NDUFAF2: variants seen among roughly 807,000 people sequenced by gnomAD.
NDUFAF2 encodes the protein NADH dehydrogenase [ubiquinone] 1 alpha subcomplex assembly factor 2.
A neutral mutation model predicts 22.8 loss-of-function variants in NDUFAF2; 13 were observed. That is an observed-to-expected ratio of 0.57 (90% CI 0.37 to 0.91). The LOEUF is 0.91. NDUFAF2 is among the 40% of genes least tolerant of loss of function. The probability of loss-of-function intolerance (pLI) is 0.01; values close to 1 mark genes in which losing one functional copy is unlikely to be tolerated. For missense variants in NDUFAF2, 162 were observed against 195.2 expected (o/e 0.83, Z 1.01); for synonymous variants, 53 against 64.2 (o/e 0.83, Z 0.84).
At chr5:61,038,210 T>C (rs1162738273) in intron 1 of NDUFAF2, among the ~76,000 whole-genome samples, 1 of 152,016 alleles carries the variant, frequency 6.6e-6, no homozygotes, top group African/African-American at 2.4e-5. Flanking sequence ...ATCTATAATG[T>C]ACATAGATCA....
chr5:61,028,795 C>A (rs1364921557), intron 1 of NDUFAF2, among the ~76,000 whole-genome samples: 2 of 152,106 alleles, frequency 1.3e-5, no homozygotes, highest in Non-Finnish European at 2.9e-5. Context: ...AAGACCTTAG[C>A]AGTTCACATT....
intron 1 of NDUFAF2, among the ~76,000 whole-genome samples, chr5:61,017,092 A>G (rs1030544235): frequency 6.6e-5 from 10 of 152,160 alleles, no homozygotes; most frequent in Non-Finnish European, 1.5e-4. Context: ...TCCTTTCTCT[A>G]CTTTTCACTC....
At chr5:61,100,094 T>C (rs965073453) in intron 3 of NDUFAF2, among the ~76,000 whole-genome samples, 2 of 147,516 alleles carry the variant, frequency 1.4e-5, no homozygotes, top group Non-Finnish European at 3.0e-5. Flanking sequence ...CTTTCCAACA[T>C]TGATAAAATT....
chr5:60,962,571 G>A (rs1388335790), intron 1 of NDUFAF2, among the ~76,000 whole-genome samples: 2 of 151,952 alleles, frequency 1.3e-5, no homozygotes, highest in Non-Finnish European at 2.9e-5. Flanking sequence ...GGTGGCTCAC[G>A]CCTGTAATCC....
At chr5:61,084,378 AT>A (rs1752480324) in intron 2 of NDUFAF2, among the ~76,000 whole-genome samples, 1 of 145,634 alleles carries the variant, frequency 6.9e-6, no homozygotes, top group African/African-American at 2.4e-5. Flanking sequence ...CTGTAGGTAC[AT>A]TCACTGTTTG....
intron 1 of NDUFAF2, among the ~76,000 whole-genome samples, chr5:60,988,318 A>G (rs1179716796): frequency 1.3e-5 from 2 of 152,352 alleles, no homozygotes; most frequent in African/African-American, 4.8e-5. Flanking sequence ...GTTCACTGAT[A>G]GGAAGAACCC....
chr5:61,109,182 A>G (rs183715633), intron 3 of NDUFAF2, among the ~76,000 whole-genome samples: 2 of 152,238 alleles, frequency 1.3e-5, no homozygotes, highest in East Asian at 3.9e-4. Flanking sequence ...CTTCTTGGTT[A>G]AGTTAAATCC....
chr5:61,056,907 AAAAAAAAAAAAAATATATATATATAT>A (rs1218218711), intron 1 of NDUFAF2, among the ~76,000 whole-genome samples: 1 of 40,632 alleles, frequency 2.5e-5, no homozygotes, highest in African/African-American at 9.3e-5. Flanking sequence ...AAAAAAAAAA[AAAAAAAAAAAAAATATATATATATAT>A]ATATATATAT....
At chr5:61,011,669 C>T (rs1288934259) in intron 1 of NDUFAF2, among the ~76,000 whole-genome samples, 1 of 152,056 alleles carries the variant, frequency 6.6e-6, no homozygotes, top group Non-Finnish European at 1.5e-5. Flanking sequence ...AGCCATCCAA[C>T]ATCTCCTTTT....
intron 1 of NDUFAF2, among the ~76,000 whole-genome samples, chr5:61,012,842 G>T (rs998618429): frequency 2.0e-5 from 3 of 151,908 alleles, no homozygotes; most frequent in Non-Finnish European, 4.4e-5. Context: ...CAAAGTAAAT[G>T]AAAAAATAGT....
At chr5:61,105,791 TAA>T (rs1752756318) in intron 3 of NDUFAF2, among the ~76,000 whole-genome samples, 1 of 151,380 alleles carries the variant, frequency 6.6e-6, no homozygotes, top group Admixed American at 6.6e-5. Context: ...GAATTTATTT[TAA>T]AAGACATAAA....
chr5:61,152,685 C>G lies in NDUFAF2; in HGVS notation c.259-19C>G. 1 of 1,446,480 alleles carries G rather than the reference C, an allele frequency of 6.9e-7. No homozygotes were observed. The highest frequency in any genetic ancestry group is 1.5e-5 in the South Asian group (1 of 67,610). 89.6% of individuals were successfully genotyped at this position (1,446,480 alleles called of 1,614,324 possible). A position where few individuals can be genotyped will look rare whatever the true frequency, so the allele number is the denominator to read the frequency against. ...TAACTAGAAATTTAATAATTTCTTC[C>G]ATTTATATATACATGCAGGAAATAC... is the stretch of plus-strand genomic sequence containing the variant. On this transcript the variant is annotated intron_variant, in intron 3 of 3. Transcript: ENST00000296597.
intron 3 of NDUFAF2, among the ~76,000 whole-genome samples, chr5:61,104,094 G>T (rs1404316848): frequency 6.6e-6 from 1 of 152,000 alleles, no homozygotes; most frequent in Admixed American, 6.6e-5. Context: ...TTTGACTTAA[G>T]ATATTTTCAA....
chr5:60,947,765 CA>C (rs11285395), intron 1 of NDUFAF2, among the ~76,000 whole-genome samples: 24,507 of 115,514 alleles, frequency 0.21, 1,924 homozygotes, highest in South Asian at 0.32. Context: ...GACTCCACCT[CA>C]AAAAAAAAAA....
At chr5:60,988,234 A>T (rs1255534686) in intron 1 of NDUFAF2, among the ~76,000 whole-genome samples, 1 of 152,148 alleles carries the variant, frequency 6.6e-6, no homozygotes, top group Admixed American at 6.6e-5. Context: ...GAGGTAAAAG[A>T]TCTCTACAAT....
chr5:61,099,434 A>C (rs972613177), intron 3 of NDUFAF2, among the ~76,000 whole-genome samples: 1 of 151,072 alleles, frequency 6.6e-6, no homozygotes, highest in Non-Finnish European at 1.5e-5. Flanking sequence ...TGTCCAAATC[A>C]TGCTCTTATG....
In NDUFAF2 at chr5:61,047,433, T is replaced by C. The variant is rs557069204; in HGVS notation, c.128-25692T>C. Among the ~76,000 whole-genome samples the C allele has an allele frequency of 1.8e-4, 28 of 152,140 alleles. No individual in the cohort carries two copies. The East Asian group carries it at 5.4e-3, about 29-fold the overall frequency. On this transcript the variant is annotated intron_variant, in intron 1 of 3. Transcript: ENST00000296597. ...TGCAGAGAAAAAAAAAAAGTTTAAG[T>C]TGATTTGTTTGTCAGCATTTGTCTG...
chr5:61,128,914 A>G (rs1339355226), intron 3 of NDUFAF2, among the ~76,000 whole-genome samples: 1 of 152,194 alleles, frequency 6.6e-6, no homozygotes, highest in Non-Finnish European at 1.5e-5. Flanking sequence ...ACAAAGGGCT[A>G]GTATCCAGAA....
chr5:61,091,907 G>A (rs575474384), intron 2 of NDUFAF2, among the ~76,000 whole-genome samples: 58 of 152,196 alleles, frequency 3.8e-4, no homozygotes, highest in African/African-American at 1.3e-3. Context: ...CCAATTTTCT[G>A]CATATGGCTA....
Sources: gnomAD v4.1 joint callset for allele counts (sites outside exome capture counted in the v4.1 genomes callset) on GRCh38, gnomAD v4.1.1 for gene constraint, MANE v1.5 for transcripts, NCBI Gene and HGNC (gene_info 2026-07-23, HGNC 2026-07-21) for gene names.